CERKL: variants seen among roughly 807,000 people sequenced by gnomAD.
The protein encoded by CERKL is CERK like autophagy regulator, also known as ceramide kinase-like protein.
In CERKL, 61 loss-of-function variants were observed where a neutral mutation model predicts 63.4. The observed-to-expected ratio is 0.96, with a 90% CI of 0.78 to 1.19. CERKL has a LOEUF of 1.19. Among genes scored for constraint, CERKL ranks in the 50% most tolerant of loss-of-function variants. The pLI, the probability that CERKL is intolerant of heterozygous loss-of-function variation, is 0.00. For missense variants in CERKL, 675 were observed against 655.5 expected (o/e 1.03, Z -0.33); for synonymous variants, 250 against 230.5 (o/e 1.08, Z -0.77).
chr2:181,634,363 A>C (rs1270112155), intron 1 of CERKL, among the ~76,000 whole-genome samples: 2 of 152,158 alleles, frequency 1.3e-5, no homozygotes, highest in African/African-American at 4.8e-5. Flanking sequence ...GGTGTCTAAA[A>C]TAATAGCAGC....
chr2:181,575,793 G>C (rs999529693), intron 2 of CERKL, among the ~76,000 whole-genome samples: 1 of 152,024 alleles, frequency 6.6e-6, no homozygotes, highest in Non-Finnish European at 1.5e-5. Flanking sequence ...CTAGTCTGCC[G>C]GGCCTTCCTT....
intron 1 of CERKL, among the ~76,000 whole-genome samples, chr2:181,633,972 G>T (rs990990316): frequency 6.6e-6 from 1 of 152,078 alleles, no homozygotes; most frequent in Non-Finnish European, 1.5e-5. Flanking sequence ...CCAATAGACA[G>T]AAATTTTCAA....
rs1430493958 is a variant in CERKL, at chr2:181,604,071, T to C, written c.247A>G (p.Lys83Glu). 3.1e-6 allele frequency: 5 copies of C among 1,598,078 alleles called. No homozygotes were observed. The highest frequency in any genetic ancestry group is 1.7e-4 in the Middle Eastern group (1 of 6,000). The change falls in exon 2 of 13, where the codon AAG (lysine) becomes GAG (glutamate). Residue 83 changes from lysine (K) to glutamate (E), a missense_variant. By Grantham distance (56) the Lys-to-Glu change is moderately conservative. Coordinates refer to ENST00000410087, the MANE Select transcript of CERKL (RefSeq NM_201548.5). Reference sequence around the variant, plus strand: ...TCTTCTTTACATAGCAAGTCATACTTAGAATCACCTGAAAAAAAAATAAAT... The same window carrying C: ...TCTTCTTTACATAGCAAGTCATACTCAGAATCACCTGAAAAAAAAATAAAT... ...IQPERPAGDS[K>E]YDLLCKEEFI...
At position 181,579,241 on chromosome 2, in the gene CERKL, TTACACTC is replaced by T. The variant is rs1191762779; in HGVS notation, c.482-5364_482-5358del. Among the ~76,000 whole-genome samples the T allele has an allele frequency of 3.9e-3, 599 of 152,018 alleles. 18 individuals are homozygous for T. Among genetic ancestry groups the T allele is most frequent in the African/African-American group, 0.014 (576 of 41,324 alleles). ...AAATTTTTCTCTTATTACTACCAAT[TTACACTC>T]TACAAGGAATTTAGATTGCCTGTTT... On this transcript the variant is annotated intron_variant, in intron 2 of 12. Transcript: ENST00000410087.
chr2:181,577,816 C>T (rs762828522), intron 2 of CERKL, among the ~76,000 whole-genome samples: 1 of 152,072 alleles, frequency 6.6e-6, no homozygotes, highest in Non-Finnish European at 1.5e-5. Context: ...TTGTCCCAAG[C>T]ACATAGAGCT....
intron 3 of CERKL, among the ~76,000 whole-genome samples, chr2:181,569,168 C>G (rs945426448): frequency 6.6e-6 from 1 of 152,160 alleles, no homozygotes; most frequent in African/African-American, 2.4e-5. Flanking sequence ...AACTTCCTAA[C>G]TCACATCTGA....
chr2:181,558,583 A>G lies in CERKL; in HGVS notation c.803T>C (p.Leu268Pro), dbSNP rs761272654. Residue 268 changes from leucine (L) to proline (P), a missense_variant, in exon 5 of 13, where the codon CTT becomes CCT. Leu to Pro is a moderately conservative substitution (Grantham distance 98). Transcript: ENST00000410087. The surrounding 1 kb of genome is among the most constrained non-coding windows in gnomAD (Gnocchi z 4.2). ...TCCCTTGCCTGCTGGTATTAAGCCA[A>G]GTGGAAGCTGTGCTCTGACAGGAGT... ...ILTPVRAQLP[L>P]GLIPAGSTNV... 1 of 1,613,698 alleles carries G rather than the reference A, an allele frequency of 6.2e-7. No individual in the cohort carries two copies.
chr2:181,642,949 C>A (rs1687508953), intron 1 of CERKL, among the ~76,000 whole-genome samples: 1 of 152,178 alleles, frequency 6.6e-6, no homozygotes, highest in South Asian at 2.1e-4. Flanking sequence ...AATACCTACA[C>A]CAAAGCGATT....
At chr2:181,611,900 A>G (rs186958517) in intron 1 of CERKL, among the ~76,000 whole-genome samples, 5 of 152,312 alleles carry the variant, frequency 3.3e-5, no homozygotes, top group Non-Finnish European at 5.9e-5. Context: ...TCTGTGATCG[A>G]TTGAAAAAAA....
intron 2 of CERKL, among the ~76,000 whole-genome samples, chr2:181,582,460 C>T (rs1412054599): frequency 1.3e-5 from 2 of 151,326 alleles, no homozygotes; most frequent in East Asian, 3.9e-4. Flanking sequence ...GTATAAAATG[C>T]CTTTCTACCT....
chr2:181,615,660 T>C (rs1208987835), intron 1 of CERKL, among the ~76,000 whole-genome samples: 3 of 152,226 alleles, frequency 2.0e-5, no homozygotes, highest in Non-Finnish European at 2.9e-5. Context: ...AATCCCCTAA[T>C]TAAAAATACA....
At chr2:181,621,160 T>C (rs963472729) in intron 1 of CERKL, among the ~76,000 whole-genome samples, 11 of 152,280 alleles carry the variant, frequency 7.2e-5, no homozygotes, top group Admixed American at 2.6e-4. Flanking sequence ...AAGAATTGTT[T>C]CCACAAGAAA....
At chr2:181,605,019 A>T (rs563379615) in intron 1 of CERKL, among the ~76,000 whole-genome samples, 111 of 152,322 alleles carry the variant, frequency 7.3e-4, no homozygotes, top group African/African-American at 2.6e-3. Context: ...GCCAATGTGG[A>T]ATAATAAGAA....
intron 2 of CERKL, among the ~76,000 whole-genome samples, chr2:181,593,139 C>A (rs888024503): frequency 6.6e-6 from 1 of 152,028 alleles, no homozygotes; most frequent in African/African-American, 2.4e-5. Flanking sequence ...AGATAGGAGA[C>A]CATAGAAGAC....
chr2:181,568,611 A>G (rs1437969774), intron 3 of CERKL, among the ~76,000 whole-genome samples: 1 of 152,038 alleles, frequency 6.6e-6, no homozygotes, highest in East Asian at 1.9e-4. Flanking sequence ...ACGCTTCAAC[A>G]TCTAAAAATT....
chr2:181,538,786 A>AT (rs904365633), intron 12 of CERKL, among the ~76,000 whole-genome samples: 8 of 152,192 alleles, frequency 5.3e-5, no homozygotes, highest in Admixed American at 4.6e-4. Flanking sequence ...ATCTTGATCC[A>AT]TTTTTAAAAA....
intron 1 of CERKL, among the ~76,000 whole-genome samples, chr2:181,653,670 C>T (rs7579020): frequency 5.3e-5 from 8 of 152,126 alleles, no homozygotes; most frequent in African/African-American, 1.9e-4. Context: ...CCACATGTCA[C>T]TCACATGTAG....
At chr2:181,593,130 G>A (rs1685057296) in intron 2 of CERKL, among the ~76,000 whole-genome samples, 1 of 152,102 alleles carries the variant, frequency 6.6e-6, no homozygotes, top group East Asian at 1.9e-4. Flanking sequence ...TCCCTTTACA[G>A]ATAGGAGACC....
intron 1 of CERKL, among the ~76,000 whole-genome samples, chr2:181,605,347 G>A (rs182889500): frequency 5.3e-5 from 8 of 152,300 alleles, no homozygotes; most frequent in Admixed American, 5.2e-4. Flanking sequence ...ATTTGCAGAG[G>A]TCCCCTTGAG....
Sources: gnomAD v4.1 joint callset for allele counts (sites outside exome capture counted in the v4.1 genomes callset) on GRCh38, gnomAD v4.1.1 for gene constraint, Gnocchi (gnomAD v3.1) non-coding constraint, MANE v1.5 for transcripts, NCBI Gene and HGNC (gene_info 2026-07-23, HGNC 2026-07-21) for gene names.